The following EPHA6 variants were observed in gnomAD, a reference collection of about 807,000 sequenced individuals.
EPHA6 encodes ephrin type-A receptor 6.
In EPHA6, 50 loss-of-function variants were observed where a neutral mutation model predicts 112.0. The ratio of observed to expected loss-of-function variants is 0.45; its 90% confidence interval spans 0.36 to 0.56. The LOEUF is 0.56. Ranked by LOEUF, EPHA6 falls within the 20% of genes least tolerant of loss-of-function variation. The probability of loss-of-function intolerance (pLI) is 0.00; values close to 1 mark genes in which losing one functional copy is unlikely to be tolerated. For synonymous variants in EPHA6, 529 were observed against 490.7 expected, an observed-to-expected ratio of 1.08 and a Z score of -1.03; for missense variants, 1,280 against 1,417.4, an observed-to-expected ratio of 0.90 and a Z score of 1.56.
chr3:97,183,070 G>T (rs1397469840), intron 3 of EPHA6, among the ~76,000 whole-genome samples: 1 of 151,656 alleles, frequency 6.6e-6, no homozygotes, highest in Non-Finnish European at 1.5e-5. Context: ...ATTTTTAAAT[G>T]GTGTACATCT....
At chr3:97,509,162 A>T (rs1240849485) in intron 10 of EPHA6, among the ~76,000 whole-genome samples, 1 of 151,150 alleles carries the variant, frequency 6.6e-6, no homozygotes, top group Non-Finnish European at 1.5e-5. Context: ...GCGTCTTTTA[A>T]TTGGGGCATT....
At chr3:97,612,220 T>C (rs2093726101) in intron 13 of EPHA6, among the ~76,000 whole-genome samples, 1 of 152,084 alleles carries the variant, frequency 6.6e-6, no homozygotes, top group African/African-American at 2.4e-5. Context: ...TGAAATGCTG[T>C]GTACTTAGTA....
intron 2 of EPHA6, among the ~76,000 whole-genome samples, chr3:96,986,900 T>C (rs1375280210): frequency 1.3e-5 from 2 of 152,232 alleles, no homozygotes; most frequent in Non-Finnish European, 2.9e-5. Flanking sequence ...TAAGGAAAGA[T>C]GGGAAACCCT....
chr3:97,502,787 T>G (rs140106880), intron 10 of EPHA6, among the ~76,000 whole-genome samples: 1 of 137,900 alleles, frequency 7.3e-6, no homozygotes, highest in East Asian at 2.1e-4. Flanking sequence ...TGAGCCGAGA[T>G]TGTGTCATTA....
chr3:96,986,703 G>A (rs2043034717), intron 2 of EPHA6, among the ~76,000 whole-genome samples: 1 of 151,996 alleles, frequency 6.6e-6, no homozygotes, highest in Non-Finnish European at 1.5e-5. Context: ...CTTTATAAAG[G>A]CAGAGAGTTT....
intron 5 of EPHA6, among the ~76,000 whole-genome samples, chr3:97,371,663 A>G (rs1235381919): frequency 6.6e-6 from 1 of 152,174 alleles, no homozygotes; most frequent in Non-Finnish European, 1.5e-5. Context: ...GGAACAAGGG[A>G]GATAACCTTA....
intron 10 of EPHA6, among the ~76,000 whole-genome samples, chr3:97,486,656 A>T (rs2091706918): frequency 6.6e-6 from 1 of 152,170 alleles, no homozygotes; most frequent in Non-Finnish European, 1.5e-5. Flanking sequence ...AGCCCTCATG[A>T]TCTAATTACC....
intron 7 of EPHA6, among the ~76,000 whole-genome samples, chr3:97,463,419 A>G (rs1012157425): frequency 6.6e-6 from 1 of 152,164 alleles, no homozygotes; most frequent in African/African-American, 2.4e-5. Flanking sequence ...AAAATGTTTA[A>G]TAGGTTAGAA....
chr3:97,424,271 GACACATGGGGATTATT>G (rs1181742870), intron 6 of EPHA6, among the ~76,000 whole-genome samples: 2 of 152,216 alleles, frequency 1.3e-5, no homozygotes, highest in South Asian at 2.1e-4. Context: ...CCCCGTCTTT[GACACATGGGGATTATT>G]ACATGTTAAG....
intron 2 of EPHA6, among the ~76,000 whole-genome samples, chr3:96,909,038 AG>A (rs2039080045): frequency 6.6e-6 from 1 of 152,004 alleles, no homozygotes; most frequent in Non-Finnish European, 1.5e-5. Context: ...TATAATCTTT[AG>A]GGTTTTAATG....
intron 5 of EPHA6, among the ~76,000 whole-genome samples, chr3:97,352,287 C>G (rs1577064125): frequency 6.6e-6 from 1 of 152,036 alleles, no homozygotes; most frequent in Middle Eastern, 3.4e-3. Flanking sequence ...ACAGGAGCAC[C>G]AAATTGAACA....
At chr3:97,081,835 A>G (rs1225651330) in intron 3 of EPHA6, among the ~76,000 whole-genome samples, 1 of 151,398 alleles carries the variant, frequency 6.6e-6, no homozygotes, top group African/African-American at 2.4e-5. Flanking sequence ...TATTTTTAAA[A>G]TAATGTTAGA....
At chr3:97,481,410 C>T in intron 9 of EPHA6, 1 of 1,445,982 alleles carries the variant, frequency 6.9e-7, no homozygotes, top group South Asian at 1.1e-5. Context: ...TGGGTTTTAT[C>T]TGTTCGCCTT....
chr3:97,682,428 A>G (rs1005326222), intron 14 of EPHA6, among the ~76,000 whole-genome samples: 3 of 152,124 alleles, frequency 2.0e-5, no homozygotes, highest in Non-Finnish European at 2.9e-5. Flanking sequence ...AGTATTGACA[A>G]CCCACCTGAA....
chr3:97,189,187 A>G (rs1224207834), intron 3 of EPHA6, among the ~76,000 whole-genome samples: 1 of 152,024 alleles, frequency 6.6e-6, no homozygotes, highest in Non-Finnish European at 1.5e-5. Context: ...TTAAAAAATA[A>G]ATAATATTAT....
chr3:97,113,786 G>C (rs983590102), intron 3 of EPHA6, among the ~76,000 whole-genome samples: 44 of 152,088 alleles, frequency 2.9e-4, no homozygotes, highest in African/African-American at 1.0e-3. Context: ...CATGTAAAGA[G>C]TTCTTTCAAA....
chr3:97,381,166 T>C (rs2085705572), intron 5 of EPHA6, among the ~76,000 whole-genome samples: 1 of 152,110 alleles, frequency 6.6e-6, no homozygotes, highest in South Asian at 2.1e-4. Flanking sequence ...TTAATGAAAA[T>C]ACACTTGAGG....
chr3:97,012,303 C>A (rs557791459), intron 3 of EPHA6, among the ~76,000 whole-genome samples: 1 of 151,410 alleles, frequency 6.6e-6, no homozygotes, highest in Admixed American at 6.6e-5. Context: ...TTCTTTGCAG[C>A]CTCACCAGCA....
intron 1 of EPHA6, among the ~76,000 whole-genome samples, chr3:96,825,606 G>T (rs2033605548): frequency 6.6e-6 from 1 of 151,692 alleles, no homozygotes; most frequent in African/African-American, 2.4e-5. Flanking sequence ...TTTATCTTTA[G>T]AAATTAGGTA....
Sources: allele counts gnomAD v4.1 joint callset (sites outside exome capture counted in the v4.1 genomes callset), GRCh38; gene constraint gnomAD v4.1.1; transcripts MANE v1.5; gene names NCBI Gene and HGNC (gene_info 2026-07-23, HGNC 2026-07-21).